The following SEMA4B variants were observed in gnomAD, a reference collection of about 807,000 sequenced individuals.
SEMA4B encodes the protein semaphorin-4B.
A neutral mutation model predicts 88.1 loss-of-function variants in SEMA4B; 55 were observed. The observed-to-expected ratio is 0.62, with a 90% CI of 0.50 to 0.78. The LOEUF (loss-of-function observed/expected upper bound fraction) is 0.78. Ranked by LOEUF, SEMA4B falls within the 30% of genes least tolerant of loss-of-function variation. The probability of loss-of-function intolerance (pLI) is 0.00; values close to 1 mark genes in which losing one functional copy is unlikely to be tolerated. For synonymous variants in SEMA4B, 525 were observed against 473.6 expected (o/e 1.11, Z -1.41); for missense variants, 1,062 against 1,111.9 (o/e 0.96, Z 0.64).
intron 1 of SEMA4B, among the ~76,000 whole-genome samples, chr15:90,187,506 A>T (rs879536284): frequency 9.9e-5 from 15 of 152,158 alleles, no homozygotes; most frequent in Admixed American, 9.8e-4. Flanking sequence ...GAAGAGAGGG[A>T]TGTGATGTGT....
At chr15:90,223,439 GCCTTCTCCTGC>G in intron 7 of SEMA4B, 109 bp from the exon 8 acceptor site, 1 of 831,800 alleles carries the variant, frequency 1.2e-6, no homozygotes, top group South Asian at 2.2e-5. Context: ...CTTGGTCCTG[GCCTTCTCCTGC>G]CCTTCAGTCC....
At position 90,229,386 on chromosome 15, in the gene SEMA4B, G is replaced by A. The variant is rs905447894; in HGVS notation, c.*743G>A. ...TCCCTCAGAATTCAGGGAAGAGACTGTCGCCTGCCTTCCTCCGTTGTTGCG... is the reference window on the plus strand; with the variant it reads ...TCCCTCAGAATTCAGGGAAGAGACTATCGCCTGCCTTCCTCCGTTGTTGCG... On this transcript the variant is annotated 3_prime_UTR_variant, in exon 14 of 14. Transcript: ENST00000411539. The A allele has an allele frequency of 2.2e-6, 1 of 456,586 alleles. No individual in the cohort carries two copies. The highest frequency in any genetic ancestry group is 2.0e-5 in the African/African-American group (1 of 50,064). 28.3% of individuals were successfully genotyped at this position (456,586 alleles called of 1,614,324 possible).
chr15:90,221,216 G>A, intron 5 of SEMA4B, 123 bp downstream of exon 5: 1 of 1,101,100 alleles, frequency 9.1e-7, no homozygotes, highest in Non-Finnish European at 1.4e-6. Flanking sequence ...GAATGGCCAG[G>A]GGCTTGCCTT....
At chr15:90,194,614 C>G (rs935708412) in intron 1 of SEMA4B, among the ~76,000 whole-genome samples, 7 of 152,060 alleles carry the variant, frequency 4.6e-5, no homozygotes, top group African/African-American at 1.7e-4. Flanking sequence ...CCGTTTGTGA[C>G]TCTGTCTCAC....
At chr15:90,196,769 G>A (rs184925960), upstream of SEMA4B, among the ~76,000 whole-genome samples, 2 of 152,346 alleles carry the variant, frequency 1.3e-5, no homozygotes, top group East Asian at 1.9e-4. Flanking sequence ...TTACAGGCGT[G>A]AGCCACTGCA....
chr15:90,205,974 T>C (rs62019249), intron 1 of SEMA4B, among the ~76,000 whole-genome samples: 44,055 of 152,188 alleles, frequency 0.29, 6,737 homozygotes, highest in Non-Finnish European at 0.33. Context: ...TCACTGGTTC[T>C]GCTCTGCCTT....
intron 1 of SEMA4B, among the ~76,000 whole-genome samples, chr15:90,211,616 TG>T (rs1474828676): frequency 1.3e-5 from 2 of 152,206 alleles, no homozygotes; most frequent in African/African-American, 4.8e-5. Flanking sequence ...TCCTGCTGAC[TG>T]TGGCCCCGTC....
chr15:90,197,725 C>T (rs1960559627), upstream of SEMA4B, among the ~76,000 whole-genome samples: 1 of 151,472 alleles, frequency 6.6e-6, no homozygotes, highest in Non-Finnish European at 1.5e-5. Flanking sequence ...GCGTGAGCCA[C>T]CATGCCCGGC....
rs1188472798 is a variant in SEMA4B, at chr15:90,204,035, G to C, written c.157+2300G>C. 3.3e-5 allele frequency among the ~76,000 whole-genome samples: 5 copies of C among 152,276 alleles called. No homozygotes were observed. In the East Asian group the frequency reaches 9.7e-4, roughly 29 times the overall value. ...AGGTCCTAGGGCTGGCTGGGAGTCC[G>C]AGAGGGGAATGCCCTGGTAACTGAA... On this transcript the variant is annotated intron_variant, in intron 1 of 13. Coordinates refer to ENST00000411539, the MANE Select transcript of SEMA4B (RefSeq NM_198925.4).
intron 1 of SEMA4B, chr15:90,190,250 AG>A (rs1733383245): frequency 1.3e-5 from 2 of 152,262 alleles, no homozygotes; most frequent in Admixed American, 6.5e-5. Context: ...CCACTGCTTT[AG>A]GGTGGCAAGT....
intron 1 of SEMA4B, among the ~76,000 whole-genome samples, chr15:90,189,699 C>T (rs1287683478): frequency 6.6e-6 from 1 of 152,120 alleles, no homozygotes; most frequent in African/African-American, 2.4e-5. Flanking sequence ...TGCAGACTAA[C>T]GCACCTTAGA....
intron 1 of SEMA4B, chr15:90,206,609 A>G (rs1390597769): frequency 1.7e-6 from 1 of 604,548 alleles, no homozygotes; most frequent in Non-Finnish European, 3.0e-6. Flanking sequence ...GGTAATGGAC[A>G]TTAATGCTGC....
At chr15:90,199,408 T>C (rs1413525919), upstream of SEMA4B, among the ~76,000 whole-genome samples, 1 of 152,046 alleles carries the variant, frequency 6.6e-6, no homozygotes, top group Non-Finnish European at 1.5e-5. Context: ...AATTTAAAGA[T>C]GGAATTGCCA....
intron 1 of SEMA4B, among the ~76,000 whole-genome samples, chr15:90,186,026 C>G (rs1960156216): frequency 1.4e-5 from 2 of 148,056 alleles, no homozygotes; most frequent in Non-Finnish European, 3.0e-5. Context: ...CTCCACCTCC[C>G]TGGCTCAAGT....
intron 3 of SEMA4B, 188 bp from the exon 4 acceptor site, chr15:90,219,605 C>T (rs1961700924): frequency 1.7e-6 from 1 of 575,330 alleles, no homozygotes; most frequent in Admixed American, 3.3e-5. Context: ...CTCCCTGCAG[C>T]ACACACACTC....
chr15:90,228,640 G>A lies in SEMA4B; in HGVS notation c.2511G>A (p.Val837=), dbSNP rs751190556. Reference sequence around the variant, plus strand: ...GCTCGGAGATCCGTGACTCTGTGGTGTGAGAGCTGACTTCCAGAGGACGCT... The same window carrying A: ...GCTCGGAGATCCGTGACTCTGTGGTATGAGAGCTGACTTCCAGAGGACGCT... ...RLGSEIRDSV[V] The change falls in exon 14 of 14, where the codon GTG becomes GTA. Residue 837 remains valine (V), a synonymous_variant. Transcript: ENST00000411539. 2 of 1,613,192 alleles carry A rather than the reference G, an allele frequency of 1.2e-6. No homozygotes were observed. The highest frequency in any genetic ancestry group is 1.7e-6 in the Non-Finnish European group (2 of 1,179,866).
chr15:90,196,596 C>G (rs980442966), upstream of SEMA4B, among the ~76,000 whole-genome samples: 1 of 152,224 alleles, frequency 6.6e-6, no homozygotes, highest in Non-Finnish European at 1.5e-5. Flanking sequence ...AAGAGATTCT[C>G]CTGCCTCAGC....
In SEMA4B at chr15:90,194,896, T is replaced by C. The variant is rs371274526; in HGVS notation, c.-121-6562T>C. Among the ~76,000 whole-genome samples the C allele has an allele frequency of 2.0e-3, 299 of 152,302 alleles. 1 individual carries two copies. The highest frequency in any genetic ancestry group is 0.014 in the Middle Eastern group (4 of 294). ...AAAGTAAGTTGTAGACATCGTGACA[T>C]TTCAACTGTAAAGCTTCAGCAGGTG... On this transcript the variant is annotated intron_variant, in intron 1 of 14. Coordinates refer to the SEMA4B transcript ENST00000332496.
At chr15:90,220,221 C>G (rs532333283) in intron 4 of SEMA4B, 1 of 267,444 alleles carries the variant, frequency 3.7e-6, no homozygotes, top group East Asian at 8.5e-5. Context: ...CTTGTACACC[C>G]CCTCCTCAGC....
Sources: allele counts gnomAD v4.1 joint callset (sites outside exome capture counted in the v4.1 genomes callset), GRCh38; gene constraint gnomAD v4.1.1; transcripts MANE v1.5; gene names NCBI Gene and HGNC (gene_info 2026-07-23, HGNC 2026-07-21).